GOLPH3L: variants seen among roughly 807,000 people sequenced by gnomAD.
The protein encoded by GOLPH3L is golgi phosphoprotein 3 like, also known as Golgi phosphoprotein 3-like.
In GOLPH3L, 22 loss-of-function variants were observed where a neutral mutation model predicts 30.3. That is an observed-to-expected ratio of 0.73 (90% CI 0.52 to 1.04). GOLPH3L has a LOEUF of 1.04. GOLPH3L is among the 50% of genes least tolerant of loss of function. The pLI is 0.00. For synonymous variants in GOLPH3L, 120 were observed against 128.2 expected, an observed-to-expected ratio of 0.94 and a Z score of 0.43; for missense variants, 303 against 345.8, an observed-to-expected ratio of 0.88 and a Z score of 0.98.
In GOLPH3L at chr1:150,648,738, C is replaced by T; in HGVS notation, c.441G>A (p.Trp147Ter). Residue 147 changes from tryptophan (W) to a stop codon, truncating the protein, a stop_gained, in exon 5 of 5, where the codon TGG (tryptophan) becomes TGA (stop). Transcript: ENST00000271732. LOFTEE classifies it high-confidence loss of function. ...TWIELLTGET[W>*]NPFKLQYQLR... ...GCTGGTACTGTAATTTGAAGGGGTT[C>T]CAGGTCTCACCTATGAGAAAAAAGA... is the stretch of plus-strand genomic sequence containing the variant. 1 of 1,601,148 alleles carries T rather than the reference C, an allele frequency of 6.2e-7. No homozygotes were observed. The highest frequency in any genetic ancestry group is 1.3e-5 in the African/African-American group (1 of 74,598).
rs1200630165 is a variant in GOLPH3L, at chr1:150,694,782, C to A, written c.57G>T (p.Lys19Asn). ...RRTEISKNSE[K>N]KMESEEDSNW... ...TACTGTCTTCCTCACTTTCCATCTT[C>A]TTTTCAGAGTTCTTGCTTATTTCAG... Residue 19 changes from lysine to asparagine, a missense_variant, in exon 2 of 5, where the codon AAG becomes AAT. Transcript: ENST00000271732. 6.2e-7 allele frequency: 1 copy of A among 1,613,162 alleles called. No homozygotes were observed. The highest frequency in any genetic ancestry group is 8.5e-7 in the Non-Finnish European group (1 of 1,179,414).
intron 4 of GOLPH3L, among the ~76,000 whole-genome samples, chr1:150,658,089 C>T (rs992562255): frequency 6.6e-6 from 1 of 152,200 alleles, no homozygotes; most frequent in African/African-American, 2.4e-5. Flanking sequence ...ACATCTGAAA[C>T]CTTATCATGA....
chr1:150,695,864 G>T (rs1156300812), intron 1 of GOLPH3L, among the ~76,000 whole-genome samples: 1 of 151,752 alleles, frequency 6.6e-6, no homozygotes, highest in East Asian at 1.9e-4. Context: ...AAAAATTACT[G>T]GCAAGAGAGT....
At chr1:150,686,036 G>A (rs894461065) in intron 2 of GOLPH3L, among the ~76,000 whole-genome samples, 7 of 151,532 alleles carry the variant, frequency 4.6e-5, no homozygotes, top group East Asian at 2.0e-4. Context: ...CACCACACCC[G>A]GCTAATTTTT....
chr1:150,692,504 GCCT>G (rs1391093072), intron 2 of GOLPH3L, among the ~76,000 whole-genome samples: 5 of 152,180 alleles, frequency 3.3e-5, no homozygotes, highest in Admixed American at 2.0e-4. Context: ...TCTTGACTCA[GCCT>G]CCTGAGTAGC....
intron 4 of GOLPH3L, among the ~76,000 whole-genome samples, chr1:150,655,436 A>G (rs1260369945): frequency 6.6e-6 from 1 of 152,216 alleles, no homozygotes; most frequent in Non-Finnish European, 1.5e-5. Flanking sequence ...CAGAGCAATT[A>G]TATAGCCCTC....
At chr1:150,696,896 A>C (rs1651369993) in intron 1 of GOLPH3L, 96 bp downstream of exon 1, 1 of 152,190 alleles carries the variant, frequency 6.6e-6, no homozygotes, top group South Asian at 2.1e-4. Context: ...AATGAATACA[A>C]ACCTTTCCCT....
In GOLPH3L at chr1:150,670,127, T is replaced by A. The variant is rs1282152526; in HGVS notation, c.184-6364A>T. On this transcript the variant is annotated intron_variant, in intron 2 of 4. Coordinates refer to ENST00000271732, the MANE Select transcript of GOLPH3L (RefSeq NM_018178.6). ...AAATATAAAAATTGGCCAGGTGTGGTGGTAGACGCCTGTAATCCCAGCCAC... is the reference window on the plus strand; with the variant it reads ...AAATATAAAAATTGGCCAGGTGTGGAGGTAGACGCCTGTAATCCCAGCCAC... Among the ~76,000 whole-genome samples the A allele has an allele frequency of 3.3e-5, 5 of 151,662 alleles. No individual in the cohort carries two copies. The East Asian group carries it at 9.7e-4, about 29-fold the overall frequency.
intron 4 of GOLPH3L, among the ~76,000 whole-genome samples, chr1:150,659,146 A>G (rs1279369172): frequency 1.3e-5 from 2 of 152,230 alleles, no homozygotes; most frequent in African/African-American, 4.8e-5. Flanking sequence ...GCAGGTGTGG[A>G]TCCTGACTTC....
At chr1:150,667,842 C>T (rs761383257) in intron 2 of GOLPH3L, among the ~76,000 whole-genome samples, 8 of 152,084 alleles carry the variant, frequency 5.3e-5, no homozygotes, top group African/African-American at 9.7e-5. Flanking sequence ...GACCCGCCTG[C>T]CTCGGCCTCC....
chr1:150,693,838 T>C (rs763887798), intron 2 of GOLPH3L, among the ~76,000 whole-genome samples: 1,794 of 87,308 alleles, frequency 0.021, 32 homozygotes, highest in South Asian at 0.11. Context: ...TATATATATA[T>C]ATATATATAT....
intron 3 of GOLPH3L, among the ~76,000 whole-genome samples, chr1:150,662,492 C>T (rs1650392070): frequency 6.6e-6 from 1 of 151,978 alleles, no homozygotes; most frequent in Admixed American, 6.6e-5. Context: ...ATGGGATAGC[C>T]AAGTTGAAAT....
chr1:150,673,680 G>C (rs187600974), intron 2 of GOLPH3L, among the ~76,000 whole-genome samples: 1 of 152,084 alleles, frequency 6.6e-6, no homozygotes. Context: ...AGTAATCCTA[G>C]TACTTTGGGA....
intron 2 of GOLPH3L, among the ~76,000 whole-genome samples, chr1:150,690,802 A>G (rs1571057636): frequency 6.6e-6 from 1 of 152,100 alleles, no homozygotes; most frequent in African/African-American, 2.4e-5. Flanking sequence ...GGCTTGTTTT[A>G]CTGCCTTTTT....
intron 1 of GOLPH3L, among the ~76,000 whole-genome samples, chr1:150,696,697 A>C (rs1651363786): frequency 6.6e-6 from 1 of 151,598 alleles, no homozygotes; most frequent in Non-Finnish European, 1.5e-5. Context: ...AGAACCATGA[A>C]ATAAATTCTT....
At chr1:150,657,474 T>C (rs1427572119) in intron 4 of GOLPH3L, among the ~76,000 whole-genome samples, 1 of 152,184 alleles carries the variant, frequency 6.6e-6, no homozygotes, top group Non-Finnish European at 1.5e-5. Flanking sequence ...GGAACCTAAT[T>C]CTCTTTGGCA....
chr1:150,697,053 A>T lies in GOLPH3L; in HGVS notation c.-74T>A, dbSNP rs1206056851. On this transcript the variant is annotated 5_prime_UTR_variant, in exon 1 of 5. Transcript: ENST00000271732. ...GTAGCTTGTGCTGTATTTTAGAAGG[A>T]CACCTGTTCTCCCCACCCCACCCCC... 2.0e-5 allele frequency: 3 copies of T among 152,058 alleles called. No individual in the cohort carries two copies. Among genetic ancestry groups the T allele is most frequent in the African/African-American group, 7.3e-5 (3 of 41,372 alleles). The allele number at this position is 152,058 out of a possible 1,614,324, so 9.4% of individuals were successfully genotyped here. A position where few individuals can be genotyped will look rare whatever the true frequency, so the allele number is the denominator to read the frequency against.
rs1459156656 is a variant in GOLPH3L at position 150,647,973 on chromosome 1, T to A, written c.*348A>T. The A allele has an allele frequency of 4.7e-6, 1 of 213,068 alleles. No homozygotes were observed. The highest frequency in any genetic ancestry group is 9.3e-6 in the Non-Finnish European group (1 of 107,740). The allele number at this position is 213,068 out of a possible 1,614,324, so 13.2% of individuals were successfully genotyped here. On this transcript the variant is annotated 3_prime_UTR_variant, in exon 5 of 5. Transcript: ENST00000271732. ...TATAATAGATAGTTCACTTTTTATC[T>A]CATTCACATTCTATAGCTGGAGAAC...
intron 4 of GOLPH3L, among the ~76,000 whole-genome samples, chr1:150,661,128 T>C (rs983929395): frequency 6.6e-6 from 1 of 152,182 alleles, no homozygotes; most frequent in Non-Finnish European, 1.5e-5. Flanking sequence ...CTTGGGAGGC[T>C]GAGGCAGGAG....
Sources: gnomAD v4.1 joint callset for allele counts (sites outside exome capture counted in the v4.1 genomes callset) on GRCh38, gnomAD v4.1.1 for gene constraint, MANE v1.5 for transcripts, NCBI Gene and HGNC (gene_info 2026-07-23, HGNC 2026-07-21) for gene names.